NCKAP5: variants seen among roughly 807,000 people sequenced by gnomAD.
NCKAP5 encodes nck-associated protein 5.
Under a neutral mutation model 167.0 loss-of-function variants are expected in NCKAP5, and 92 were observed. The ratio of observed to expected loss-of-function variants is 0.55; its 90% confidence interval spans 0.47 to 0.66. The LOEUF (loss-of-function observed/expected upper bound fraction) is 0.66. NCKAP5 is among the 30% of genes least tolerant of loss of function. The probability of loss-of-function intolerance (pLI) is 0.00; values close to 1 mark genes in which losing one functional copy is unlikely to be tolerated. For missense variants in NCKAP5, 2,378 were observed against 2,315.0 expected (o/e 1.03, Z -0.56); for synonymous variants, 891 against 877.4 (o/e 1.02, Z -0.27).
chr2:133,172,428 G>T (rs540557950), intron 5 of NCKAP5, among the ~76,000 whole-genome samples: 2 of 152,298 alleles, frequency 1.3e-5, no homozygotes, highest in East Asian at 3.9e-4. Flanking sequence ...CTTGCCACTT[G>T]CTGGAGGCTA....
intron 4 of NCKAP5, among the ~76,000 whole-genome samples, chr2:133,286,560 G>C (rs956243847): frequency 3.9e-5 from 6 of 152,148 alleles, no homozygotes; most frequent in African/African-American, 1.4e-4. Context: ...TTAACAATTA[G>C]TACCACTAGG....
At chr2:133,603,636 T>C in the NCKAP5 span, among the ~76,000 whole-genome samples, 1 of 152,168 alleles carries the variant, frequency 6.6e-6, no homozygotes, top group Admixed American at 6.5e-5. Context: ...CCTCCTGGGT[T>C]CAAGCGATTC....
chr2:132,772,677 A>C (rs774252172), intron 16 of NCKAP5, among the ~76,000 whole-genome samples: 20 of 152,178 alleles, frequency 1.3e-4, no homozygotes, highest in Non-Finnish European at 2.1e-4. Flanking sequence ...TCCTTTTGGA[A>C]TAATAATCTT....
chr2:132,963,533 T>C (rs750542716), intron 8 of NCKAP5, among the ~76,000 whole-genome samples, 187 bp downstream of exon 8: 4 of 152,150 alleles, frequency 2.6e-5, no homozygotes, highest in Non-Finnish European at 5.9e-5. Context: ...AAAACAACAT[T>C]AGGTCAAGAC....
chr2:133,028,016 C>T (rs982329640), intron 6 of NCKAP5, among the ~76,000 whole-genome samples: 38 of 152,170 alleles, frequency 2.5e-4, no homozygotes, highest in African/African-American at 8.9e-4. Flanking sequence ...ACAAGATATG[C>T]AAAGGAAATG....
At chr2:132,917,324 C>G (rs1694963228) in intron 8 of NCKAP5, among the ~76,000 whole-genome samples, 1 of 152,054 alleles carries the variant, frequency 6.6e-6, no homozygotes. Flanking sequence ...CTTTTGATAA[C>G]TCATTTATAA....
chr2:133,538,039 G>A (rs1685894730), intron 2 of NCKAP5, among the ~76,000 whole-genome samples: 1 of 152,100 alleles, frequency 6.6e-6, no homozygotes, highest in Admixed American at 6.5e-5. Context: ...TTTCAAGCTT[G>A]TTGCTTAATA....
chr2:133,624,186 T>C, the NCKAP5 span, among the ~76,000 whole-genome samples: 3 of 152,170 alleles, frequency 2.0e-5, no homozygotes, highest in Non-Finnish European at 4.4e-5. Flanking sequence ...CAGGGTACAC[T>C]GCTCGGGTGA....
At chr2:133,128,039 A>G (rs1162016479) in intron 6 of NCKAP5, among the ~76,000 whole-genome samples, 1 of 152,210 alleles carries the variant, frequency 6.6e-6, no homozygotes. Context: ...CCAAAGTTGA[A>G]GCACATACAC....
chr2:132,984,178 TACTC>T (rs1559019511), intron 7 of NCKAP5, among the ~76,000 whole-genome samples: 3 of 152,162 alleles, frequency 2.0e-5, no homozygotes, highest in African/African-American at 7.2e-5. Flanking sequence ...AGTTGACTGA[TACTC>T]ACAATCATAG....
chr2:133,561,405 A>G (rs1467196735), intron 1 of NCKAP5, among the ~76,000 whole-genome samples: 1 of 152,252 alleles, frequency 6.6e-6, no homozygotes, highest in African/African-American at 2.4e-5. Context: ...GGAAGGAAAG[A>G]AATAAATGTC....
chr2:132,832,463 A>G (rs529930602), intron 11 of NCKAP5, among the ~76,000 whole-genome samples: 63 of 152,232 alleles, frequency 4.1e-4, no homozygotes, highest in Non-Finnish European at 8.1e-4. Flanking sequence ...CTTTTAAGGT[A>G]TTCATCAGCC....
At chr2:133,244,045 T>A (rs2087856958) in intron 4 of NCKAP5, among the ~76,000 whole-genome samples, 1 of 152,206 alleles carries the variant, frequency 6.6e-6, no homozygotes, top group Non-Finnish European at 1.5e-5. Flanking sequence ...GTCTGACTGT[T>A]TTTCTGCATG....
At chr2:132,983,125 T>C (rs1358450101) in intron 7 of NCKAP5, among the ~76,000 whole-genome samples, 1 of 152,208 alleles carries the variant, frequency 6.6e-6, no homozygotes, top group African/African-American at 2.4e-5. Flanking sequence ...TACTGATGTA[T>C]AGAAATGCTA....
intron 2 of NCKAP5, among the ~76,000 whole-genome samples, chr2:133,539,113 T>C (rs1408306793): frequency 1.3e-5 from 2 of 151,936 alleles, no homozygotes; most frequent in Admixed American, 6.6e-5. Context: ...GCTAATTTTT[T>C]GTATTTTTAG....
chr2:133,284,145 G>A (rs1341794979), intron 4 of NCKAP5, among the ~76,000 whole-genome samples: 1 of 151,080 alleles, frequency 6.6e-6, no homozygotes, highest in Non-Finnish European at 1.5e-5. Context: ...GGTGAATGAT[G>A]CCTATAAGAT....
At position 132,685,572 on chromosome 2, in the gene NCKAP5, G is replaced by A. The variant is rs557102976; in HGVS notation, c.5714-12267C>T. Among the ~76,000 whole-genome samples, 31 of 152,230 alleles carry A rather than the reference G, an allele frequency of 2.0e-4. No individual in the cohort carries two copies. The South Asian group carries it at 4.1e-3, about 20-fold the overall frequency. Reference sequence around the variant, plus strand: ...AGGTAAGGAAGCACTGGGTAATGCCGTCTCTCAACAACCTAGAAAAAACAT... The same window carrying A: ...AGGTAAGGAAGCACTGGGTAATGCCATCTCTCAACAACCTAGAAAAAACAT... On this transcript the variant is annotated intron_variant, in intron 19 of 19. Transcript: ENST00000409261.
intron 15 of NCKAP5, among the ~76,000 whole-genome samples, chr2:132,780,792 C>A (rs528752139): frequency 6.6e-6 from 1 of 152,104 alleles, no homozygotes; most frequent in Non-Finnish European, 1.5e-5. Flanking sequence ...GGACTCACTG[C>A]GATTATACTC....
chr2:132,886,823 A>G (rs1443878430), intron 8 of NCKAP5, among the ~76,000 whole-genome samples: 2 of 152,174 alleles, frequency 1.3e-5, no homozygotes, highest in Admixed American at 6.5e-5. Flanking sequence ...AAAATCTGAA[A>G]TGCTCCAAAA....
Sources: allele counts gnomAD v4.1 joint callset (sites outside exome capture counted in the v4.1 genomes callset), GRCh38; gene constraint gnomAD v4.1.1; transcripts MANE v1.5; gene names NCBI Gene and HGNC (gene_info 2026-07-23, HGNC 2026-07-21).